CSMD3: variants seen among roughly 807,000 people sequenced by gnomAD.
CSMD3 encodes CUB and sushi domain-containing protein 3.
In CSMD3, 177 loss-of-function variants were observed where a neutral mutation model predicts 435.2. That is an observed-to-expected ratio of 0.41 (90% confidence interval 0.36 to 0.46). The LOEUF (loss-of-function observed/expected upper bound fraction) is 0.46. Among genes scored for constraint, CSMD3 ranks in the 20% least tolerant of loss-of-function variants. The pLI is 0.34. For synonymous variants in CSMD3, 1,656 were observed against 1,520.5 expected (o/e 1.09, Z -2.07); for missense variants, 4,265 against 4,504.6 (o/e 0.95, Z 1.52).
rs149257932 is a variant in CSMD3, at chr8:113,164,981, G to A, written c.709+8741C>T. 8.1e-3 allele frequency among the ~76,000 whole-genome samples: 1,228 copies of A among 152,046 alleles called. 10 individuals are homozygous for A. The highest frequency in any genetic ancestry group is 0.027 in the African/African-American group (1,112 of 41,486). ...GGTTTATTCTAATTCATTTTGCTTC[G>A]TCTTTAGAGTGGTGGCTTTGCAAAG... On this transcript the variant is annotated intron_variant, in intron 4 of 70. Coordinates refer to ENST00000297405, the MANE Select transcript of CSMD3 (RefSeq NM_198123.2).
rs1169445725 is a variant in CSMD3 at position 112,766,674 on chromosome 8, T to G, written c.1972+33488A>C. Reference sequence around the variant, plus strand: ...CCCTGAGAAAGCATTTCTGCTGCACTTCATAGCCCAGGGGTAGAAAGGCTG... The same window carrying G: ...CCCTGAGAAAGCATTTCTGCTGCACGTCATAGCCCAGGGGTAGAAAGGCTG... On this transcript the variant is annotated intron_variant, in intron 13 of 70. Transcript: ENST00000297405. Among the ~76,000 whole-genome samples, 4 of 151,836 alleles carry G rather than the reference T, an allele frequency of 2.6e-5. No homozygotes were observed. In the East Asian group the frequency reaches 7.8e-4, roughly 29 times the overall value.
At chr8:112,860,660 T>C (rs766777890) in intron 10 of CSMD3, among the ~76,000 whole-genome samples, 24 of 151,946 alleles carry the variant, frequency 1.6e-4, no homozygotes, top group Middle Eastern at 6.8e-3. Context: ...ATTTGATATC[T>C]CAGCAGTAAT....
At chr8:112,617,199 G>C (rs546758259) in intron 22 of CSMD3, among the ~76,000 whole-genome samples, 3 of 152,214 alleles carry the variant, frequency 2.0e-5, no homozygotes, top group African/African-American at 7.2e-5. Flanking sequence ...AAATAATATA[G>C]ATTATGTATA....
chr8:112,903,151 CAAAAAAA>C (rs763330055), intron 10 of CSMD3, among the ~76,000 whole-genome samples: 1,622 of 53,708 alleles, frequency 0.03, 7 homozygotes, highest in Middle Eastern at 0.057. Flanking sequence ...GCAGTCTTGG[CAAAAAAA>C]AAAAAAAAAA....
chr8:113,233,768 C>T (rs1353014180), intron 3 of CSMD3, among the ~76,000 whole-genome samples: 1 of 151,880 alleles, frequency 6.6e-6, no homozygotes, highest in Non-Finnish European at 1.5e-5. Context: ...TAATAGCAGA[C>T]AATGTATATT....
At chr8:113,097,246 C>A (rs750108441) in intron 5 of CSMD3, among the ~76,000 whole-genome samples, 4 of 151,946 alleles carry the variant, frequency 2.6e-5, no homozygotes, top group African/African-American at 4.8e-5. Flanking sequence ...AAATTATTTC[C>A]AAACTTAATT....
chr8:112,923,207 C>A (rs1281489067), intron 9 of CSMD3, among the ~76,000 whole-genome samples: 1 of 152,056 alleles, frequency 6.6e-6, no homozygotes, highest in African/African-American at 2.4e-5. Context: ...TGCCTCCCTG[C>A]AATCTGTTCT....
chr8:113,084,762 G>C (rs2089695801), intron 5 of CSMD3, among the ~76,000 whole-genome samples: 1 of 151,724 alleles, frequency 6.6e-6, no homozygotes, highest in Non-Finnish European at 1.5e-5. Context: ...TATGAAAGCA[G>C]ATACGTAGAT....
intron 3 of CSMD3, among the ~76,000 whole-genome samples, chr8:113,196,799 G>A (rs56214941): frequency 0.096 from 14,547 of 151,078 alleles, 912 homozygotes; most frequent in Middle Eastern, 0.17. Context: ...AATCTTCCTG[G>A]CATTAATGAC....
chr8:112,636,207 G>A (rs1204054892), intron 22 of CSMD3, among the ~76,000 whole-genome samples: 1 of 151,822 alleles, frequency 6.6e-6, no homozygotes, highest in Admixed American at 6.6e-5. Context: ...GTGACTTCAC[G>A]CTTCCAACAC....
intron 27 of CSMD3, among the ~76,000 whole-genome samples, chr8:112,522,536 G>T (rs1020262617): frequency 2.0e-5 from 3 of 151,680 alleles, no homozygotes; most frequent in Non-Finnish European, 4.4e-5. Flanking sequence ...AATTTGAAGA[G>T]AACTTCTTAT....
intron 10 of CSMD3, among the ~76,000 whole-genome samples, chr8:112,900,389 T>C (rs964998530): frequency 6.6e-6 from 1 of 151,290 alleles, no homozygotes; most frequent in Admixed American, 6.6e-5. Flanking sequence ...TCTGGAGCAA[T>C]AGGACAGGCA....
At chr8:113,250,306 T>C (rs567178453) in intron 3 of CSMD3, among the ~76,000 whole-genome samples, 2 of 152,196 alleles carry the variant, frequency 1.3e-5, no homozygotes, top group South Asian at 4.1e-4. Context: ...TAGAATTTAG[T>C]CCATTAAAAA....
intron 1 of CSMD3, among the ~76,000 whole-genome samples, chr8:113,432,545 T>G (rs1044911896): frequency 3.3e-5 from 5 of 152,218 alleles, no homozygotes; most frequent in Non-Finnish European, 5.9e-5. Flanking sequence ...CCTCAGAGTC[T>G]AACTAAGCCC....
intron 6 of CSMD3, among the ~76,000 whole-genome samples, chr8:112,993,311 C>T (rs1438048153): frequency 6.6e-6 from 1 of 151,632 alleles, no homozygotes; most frequent in East Asian, 1.9e-4. Flanking sequence ...TTTCTATGAC[C>T]CTTTAAGCTG....
At chr8:113,403,036 A>G (rs16884607) in intron 1 of CSMD3, among the ~76,000 whole-genome samples, 3,000 of 151,278 alleles carry the variant, frequency 0.02, 45 homozygotes, top group Non-Finnish European at 0.029. Context: ...GTAAAGACCA[A>G]TTTTTCAGTC....
chr8:112,739,122 C>G (rs563792870), intron 13 of CSMD3, among the ~76,000 whole-genome samples: 1 of 151,220 alleles, frequency 6.6e-6, no homozygotes, highest in Admixed American at 6.6e-5. Context: ...AGTGTAAGGG[C>G]GAAAGGTTAA....
chr8:112,885,128 A>G (rs1190668948), intron 10 of CSMD3, among the ~76,000 whole-genome samples: 4 of 151,668 alleles, frequency 2.6e-5, no homozygotes, highest in Non-Finnish European at 4.4e-5. Context: ...GAGGACAATT[A>G]CCACATCTTA....
At chr8:112,460,804 T>A (rs1817372305) in intron 32 of CSMD3, among the ~76,000 whole-genome samples, 1 of 152,122 alleles carries the variant, frequency 6.6e-6, no homozygotes, top group Non-Finnish European at 1.5e-5. Context: ...TCCAGTTAAA[T>A]CTCTGTTCGA....
Sources: gnomAD v4.1 joint callset for allele counts (sites outside exome capture counted in the v4.1 genomes callset) on GRCh38, gnomAD v4.1.1 for gene constraint, MANE v1.5 for transcripts, NCBI Gene and HGNC (gene_info 2026-07-23, HGNC 2026-07-21) for gene names.